NOL4: variants seen among roughly 807,000 people sequenced by gnomAD.
The protein encoded by NOL4 is nucleolar protein 4, also known as cancer/testis antigen 125.
NOL4 carries 17 observed loss-of-function variants against 75.9 expected under a neutral mutation model. The ratio of observed to expected loss-of-function variants is 0.22; its 90% CI spans 0.15 to 0.34. NOL4 has a LOEUF of 0.34. Among genes scored for constraint, NOL4 ranks in the 10% least tolerant of loss-of-function variants. The probability of loss-of-function intolerance (pLI) is 1.00; values close to 1 mark genes in which losing one functional copy is unlikely to be tolerated. For synonymous variants in NOL4, 292 were observed against 289.9 expected, an observed-to-expected ratio of 1.01 and a Z score of -0.07; for missense variants, 614 against 793.5, an observed-to-expected ratio of 0.77 and a Z score of 2.72.
intron 1 of NOL4, among the ~76,000 whole-genome samples, chr18:34,141,943 G>T (rs987649173): frequency 6.6e-6 from 1 of 151,830 alleles, no homozygotes; most frequent in African/African-American, 2.4e-5. Flanking sequence ...TCTGACAAAG[G>T]GCTAATATCC....
At chr18:34,194,739 C>A (rs574029838) in intron 1 of NOL4, among the ~76,000 whole-genome samples, 2 of 152,134 alleles carry the variant, frequency 1.3e-5, no homozygotes, top group Admixed American at 1.3e-4. Flanking sequence ...AAACTACCTA[C>A]CTAGGCTGGG....
At chr18:34,095,807 A>G (rs1479279388) in intron 4 of NOL4, among the ~76,000 whole-genome samples, 1 of 152,170 alleles carries the variant, frequency 6.6e-6, no homozygotes, top group Non-Finnish European at 1.5e-5. Flanking sequence ...TGGTAAAGGC[A>G]AACAAAATGT....
intron 5 of NOL4, among the ~76,000 whole-genome samples, chr18:34,030,820 C>T (rs945089670): frequency 4.0e-5 from 6 of 151,440 alleles, no homozygotes; most frequent in Admixed American, 6.6e-5. Context: ...CTGTGTACCC[C>T]GTAAATAAGT....
At chr18:34,020,292 A>AG (rs1435923369) in intron 5 of NOL4, among the ~76,000 whole-genome samples, 1 of 152,210 alleles carries the variant, frequency 6.6e-6, no homozygotes, top group Non-Finnish European at 1.5e-5. Flanking sequence ...AGAAAAAAAA[A>AG]CAAAGAGAAT....
chr18:34,079,513 T>C (rs1217062339), intron 5 of NOL4, among the ~76,000 whole-genome samples: 1 of 152,002 alleles, frequency 6.6e-6, no homozygotes. Context: ...GTTGGACAAA[T>C]GAGGCTAGCA....
chr18:33,995,850 C>T (rs527647971), intron 6 of NOL4, among the ~76,000 whole-genome samples: 1 of 151,868 alleles, frequency 6.6e-6, no homozygotes, highest in East Asian at 1.9e-4. Context: ...AGAATATGGC[C>T]TAATTTGGAG....
rs1284701505 is a variant in NOL4, at chr18:33,851,878, G to C, written c.*964C>G. On this transcript the variant is annotated 3_prime_UTR_variant, in exon 11 of 11. Coordinates refer to ENST00000261592, the MANE Select transcript of NOL4 (RefSeq NM_003787.5). Reference sequence around the variant, plus strand: ...TGAAAAGAAAACTACACACAAGAGTGCAAATTTTCAGATTGTCACTTGCAA... The same window carrying C: ...TGAAAAGAAAACTACACACAAGAGTCCAAATTTTCAGATTGTCACTTGCAA... 1 of 152,504 alleles carries C rather than the reference G, an allele frequency of 6.6e-6. No homozygotes were observed. The highest frequency in any genetic ancestry group is 1.5e-5 in the Non-Finnish European group (1 of 67,998). 9.4% of individuals were successfully genotyped at this position (152,504 alleles called of 1,614,324 possible).
chr18:34,156,291 T>A (rs1045094116), intron 1 of NOL4, among the ~76,000 whole-genome samples: 1 of 152,156 alleles, frequency 6.6e-6, no homozygotes, highest in Non-Finnish European at 1.5e-5. Context: ...ATCCTGTAAA[T>A]AATTATTATT....
intron 6 of NOL4, among the ~76,000 whole-genome samples, chr18:33,993,754 A>G (rs894694405): frequency 6.6e-6 from 1 of 152,064 alleles, no homozygotes; most frequent in South Asian, 2.1e-4. Flanking sequence ...ACATCAATAA[A>G]TAGAAATAAT....
At chr18:34,014,094 T>C (rs544294749) in intron 6 of NOL4, among the ~76,000 whole-genome samples, 64 of 152,072 alleles carry the variant, frequency 4.2e-4, no homozygotes, top group Non-Finnish European at 8.5e-4. Context: ...TAAAGAGATA[T>C]TTTGAAACTT....
At position 33,958,337 on chromosome 18, in the gene NOL4, T is replaced by A; in HGVS notation, c.1138A>T (p.Arg380Trp). 6.2e-7 allele frequency: 1 copy of A among 1,613,392 alleles called. No individual in the cohort carries two copies. Among genetic ancestry groups the A allele is most frequent in the Non-Finnish European group, 8.5e-7 (1 of 1,179,664 alleles). ...DRGAEDLSLN[R>W]GDEDEDDHED... ...TGGTCATCTTCGTCCTCATCTCCCC[T>A]GTTTAGTGAGAGGTCCTCAGCTCCT... Residue 380 changes from arginine to tryptophan, a missense_variant, in exon 7 of 11, where the codon AGG becomes TGG. This residue lies in a region of NOL4 where 196 missense variants were observed against 167.9 expected (regional missense o/e 1.17). Coordinates refer to ENST00000261592, the MANE Select transcript of NOL4 (RefSeq NM_003787.5).
At chr18:33,899,249 T>C (rs2065604399) in intron 9 of NOL4, among the ~76,000 whole-genome samples, 1 of 152,116 alleles carries the variant, frequency 6.6e-6, no homozygotes. Context: ...TCTGCAGTCA[T>C]TGGTCACCTC....
At chr18:34,196,349 T>C (rs566579544) in intron 1 of NOL4, among the ~76,000 whole-genome samples, 4 of 152,298 alleles carry the variant, frequency 2.6e-5, no homozygotes, top group South Asian at 4.1e-4. Flanking sequence ...GACAACATTA[T>C]ATGACATCTT....
chr18:33,960,015 C>A (rs1218282294), intron 6 of NOL4, among the ~76,000 whole-genome samples: 1 of 151,780 alleles, frequency 6.6e-6, no homozygotes, highest in Non-Finnish European at 1.5e-5. Context: ...GGTTTATGTA[C>A]ATGTTAATCT....
chr18:33,930,329 CT>C (rs1278940461), intron 9 of NOL4, among the ~76,000 whole-genome samples: 3 of 152,062 alleles, frequency 2.0e-5, no homozygotes, highest in Admixed American at 6.6e-5. Context: ...TTCCCAGAAT[CT>C]GTTCTGGACT....
At chr18:34,144,606 T>C (rs2081324391) in intron 1 of NOL4, among the ~76,000 whole-genome samples, 1 of 152,132 alleles carries the variant, frequency 6.6e-6, no homozygotes, top group African/African-American at 2.4e-5. Context: ...TTTTGTTGTA[T>C]TATATTAACA....
At chr18:33,860,972 G>C (rs980877684) in intron 10 of NOL4, among the ~76,000 whole-genome samples, 1 of 152,140 alleles carries the variant, frequency 6.6e-6, no homozygotes, top group Non-Finnish European at 1.5e-5. Context: ...ACTTGCATCC[G>C]AGGGATGAAG....
chr18:34,173,979 T>A (rs2033301324), intron 1 of NOL4, among the ~76,000 whole-genome samples: 1 of 152,200 alleles, frequency 6.6e-6, no homozygotes, highest in African/African-American at 2.4e-5. Context: ...TAATGCCGAT[T>A]CATGATTCTG....
intron 6 of NOL4, among the ~76,000 whole-genome samples, chr18:33,964,968 T>C (rs760047331): frequency 2.3e-4 from 35 of 152,158 alleles, no homozygotes; most frequent in Non-Finnish European, 4.7e-4. Context: ...TTGCTTGTAT[T>C]ATGATTCAAA....
Sources: allele counts gnomAD v4.1 joint callset (sites outside exome capture counted in the v4.1 genomes callset), GRCh38; gene constraint gnomAD v4.1.1; regional missense constraint gnomAD v4.1.1; transcripts MANE v1.5; gene names NCBI Gene and HGNC (gene_info 2026-07-23, HGNC 2026-07-21).